MCC: variants seen among roughly 807,000 people sequenced by gnomAD.
MCC encodes the protein colorectal mutant cancer protein.
A neutral mutation model predicts 116.2 loss-of-function variants in MCC; 90 were observed. The observed-to-expected ratio is 0.77, with a 90% confidence interval of 0.65 to 0.92. The LOEUF (loss-of-function observed/expected upper bound fraction) is 0.92, where lower values mean the gene tolerates loss of function less well. Ranked by LOEUF, MCC falls within the 40% of genes least tolerant of loss-of-function variation. The pLI is 0.00. For missense variants in MCC, 1,516 were observed against 1,312.2 expected (o/e 1.16, Z -2.40); for synonymous variants, 578 against 510.5 (o/e 1.13, Z -1.78).
At chr5:113,300,096 C>T (rs750744959) in intron 3 of MCC, among the ~76,000 whole-genome samples, 1 of 152,142 alleles carries the variant, frequency 6.6e-6, no homozygotes, top group Non-Finnish European at 1.5e-5. Context: ...GTATGGCTGC[C>T]GACTTCAGTG....
intron 11 of MCC, among the ~76,000 whole-genome samples, chr5:113,073,578 G>A (rs894662535): frequency 2.0e-5 from 3 of 151,812 alleles, no homozygotes; most frequent in Non-Finnish European, 2.9e-5. Flanking sequence ...TTTCAGTTCC[G>A]CTGGCCTTTG....
intron 6 of MCC, among the ~76,000 whole-genome samples, chr5:113,120,649 A>G (rs1757684442): frequency 6.6e-6 from 1 of 152,222 alleles, no homozygotes; most frequent in Admixed American, 6.5e-5. Flanking sequence ...ATACTAGGAG[A>G]TGAAACAAAC....
intron 3 of MCC, chr5:113,234,334 T>C (rs1764053363): frequency 6.6e-6 from 1 of 152,102 alleles, no homozygotes; most frequent in Non-Finnish European, 1.5e-5. Flanking sequence ...TTAAATCTTA[T>C]ATAAAAATAT....
chr5:113,459,553 C>A (rs1355978550), intron 1 of MCC, among the ~76,000 whole-genome samples: 5 of 151,898 alleles, frequency 3.3e-5, no homozygotes, highest in Non-Finnish European at 5.9e-5. Context: ...AAAGAAAAAG[C>A]CAGAATTCTG....
chr5:113,361,222 C>T (rs1768539093), intron 2 of MCC, among the ~76,000 whole-genome samples: 1 of 149,066 alleles, frequency 6.7e-6, no homozygotes. Context: ...TTTTACTTAA[C>T]ATTCTTGCCA....
intron 3 of MCC, among the ~76,000 whole-genome samples, chr5:113,289,964 G>C (rs1009714407): frequency 2.6e-5 from 4 of 151,928 alleles, no homozygotes; most frequent in African/African-American, 9.7e-5. Flanking sequence ...ACTATAAAGA[G>C]GCAAAAAAGG....
chr5:113,312,004 G>C (rs1581391756), intron 3 of MCC, among the ~76,000 whole-genome samples: 1 of 152,316 alleles, frequency 6.6e-6, no homozygotes, highest in Middle Eastern at 3.4e-3. Flanking sequence ...TACTCAGGAG[G>C]CTGAGGCAGG....
chr5:113,421,516 G>C (rs775961215), intron 1 of MCC, among the ~76,000 whole-genome samples: 1 of 152,030 alleles, frequency 6.6e-6, no homozygotes, highest in Non-Finnish European at 1.5e-5. Context: ...GACTTTCCTA[G>C]GCAGTACGAT....
At chr5:113,073,727 C>T (rs773521653) in intron 11 of MCC, among the ~76,000 whole-genome samples, 4 of 152,024 alleles carry the variant, frequency 2.6e-5, no homozygotes, top group South Asian at 2.1e-4. Flanking sequence ...CCTGACTACC[C>T]ACCGAAAAAT....
At chr5:113,047,397 G>A (rs930631240) in intron 16 of MCC, among the ~76,000 whole-genome samples, 1 of 152,224 alleles carries the variant, frequency 6.6e-6, no homozygotes, top group African/African-American at 2.4e-5. Flanking sequence ...TGGGAGGGCT[G>A]GCCTGGCTGG....
At chr5:113,445,352 T>C (rs1397123397) in intron 1 of MCC, among the ~76,000 whole-genome samples, 1 of 151,994 alleles carries the variant, frequency 6.6e-6, no homozygotes, top group African/African-American at 2.4e-5. Flanking sequence ...TCCTAAAGAC[T>C]CCACCAGAAG....
At chr5:113,350,522 C>G (rs1017727797) in intron 2 of MCC, among the ~76,000 whole-genome samples, 2 of 151,986 alleles carry the variant, frequency 1.3e-5, no homozygotes, top group African/African-American at 4.8e-5. Context: ...TATCTCTCAC[C>G]ATATACAAAA....
chr5:113,169,479 A>T (rs2150302517), intron 3 of MCC, among the ~76,000 whole-genome samples: 1 of 152,214 alleles, frequency 6.6e-6, no homozygotes, highest in South Asian at 2.1e-4. Context: ...ACACCAAGGA[A>T]TGCTGATGTT....
At chr5:113,084,247 G>C in intron 9 of MCC, 57 bp from the exon 10 acceptor site, 4 of 1,348,376 alleles carry the variant, frequency 3.0e-6, no homozygotes, top group South Asian at 2.3e-5. Context: ...CAGATAAACT[G>C]TTGGGACTAC....
At chr5:113,056,330 C>G (rs1444625871) in intron 14 of MCC, among the ~76,000 whole-genome samples, 2 of 152,078 alleles carry the variant, frequency 1.3e-5, no homozygotes, top group East Asian at 3.8e-4. Flanking sequence ...ACCTAAATGC[C>G]CATCAGTGGT....
intron 2 of MCC, among the ~76,000 whole-genome samples, chr5:113,381,548 G>A (rs1517207): frequency 0.44 from 66,870 of 151,882 alleles, 16,177 homozygotes; most frequent in African/African-American, 0.64. Flanking sequence ...AGCACTCTGG[G>A]AGGCTGAGGC....
chr5:113,159,567 G>A (rs1037835723), intron 3 of MCC, among the ~76,000 whole-genome samples: 14 of 152,192 alleles, frequency 9.2e-5, no homozygotes, highest in African/African-American at 2.9e-4. Context: ...CCAAGAGCTC[G>A]TGGGTAGTCA....
intron 3 of MCC, among the ~76,000 whole-genome samples, chr5:113,222,093 A>G (rs527995655): frequency 7.9e-5 from 12 of 152,264 alleles, no homozygotes; most frequent in African/African-American, 2.9e-4. Flanking sequence ...CTCTATTCTT[A>G]AATTCCTGAG....
intron 1 of MCC, among the ~76,000 whole-genome samples, chr5:113,478,313 T>C (rs1353029145): frequency 6.6e-6 from 1 of 152,170 alleles, no homozygotes; most frequent in Non-Finnish European, 1.5e-5. Context: ...TAGGAGTCTG[T>C]TATAATAGAC....
Sources: gnomAD v4.1 joint callset for allele counts (sites outside exome capture counted in the v4.1 genomes callset) on GRCh38, gnomAD v4.1.1 for gene constraint, MANE v1.5 for transcripts, NCBI Gene and HGNC (gene_info 2026-07-23, HGNC 2026-07-21) for gene names.